The following AKAP12 variants were observed in gnomAD, a reference collection of about 807,000 sequenced individuals.
The protein encoded by AKAP12 is A-kinase anchor protein 12.
In AKAP12, 32 loss-of-function variants were observed where a neutral mutation model predicts 79.9. The observed-to-expected ratio is 0.40, with a 90% CI of 0.30 to 0.54. The LOEUF is 0.54. Among genes scored for constraint, AKAP12 ranks in the 20% least tolerant of loss-of-function variants. AKAP12 has a pLI of 0.48. For synonymous variants in AKAP12, 808 were observed against 857.0 expected (o/e 0.94, Z 1.00); for missense variants, 2,074 against 2,177.0 (o/e 0.95, Z 0.94).
chr6:151,266,735 A>C (rs576591386), intron 2 of AKAP12, among the ~76,000 whole-genome samples: 1 of 152,348 alleles, frequency 6.6e-6, no homozygotes, highest in South Asian at 2.1e-4. Flanking sequence ...CAGTTCAGTG[A>C]ATCATGTATG....
chr6:151,275,111 A>C (rs1417018887), intron 2 of AKAP12, among the ~76,000 whole-genome samples: 1 of 152,034 alleles, frequency 6.6e-6, no homozygotes, highest in Non-Finnish European at 1.5e-5. Context: ...CTCAAAAAAA[A>C]AATTTTTTTT....
At chr6:151,319,286 A>G (rs959222728) in intron 3 of AKAP12, among the ~76,000 whole-genome samples, 4 of 151,978 alleles carry the variant, frequency 2.6e-5, no homozygotes, top group African/African-American at 9.7e-5. Flanking sequence ...ATAAAACTCA[A>G]TTAGTTGATA....
Position 151,351,306 on chromosome 6 carries a change from C to G in AKAP12, c.2915C>G (p.Thr972Ser), listed in dbSNP as rs754285729. 1.2e-6 allele frequency: 2 copies of G among 1,614,170 alleles called. No individual in the cohort carries two copies. The highest frequency in any genetic ancestry group is 2.2e-5 in the South Asian group (2 of 91,070). The change falls in exon 4 of 5, where the codon ACC (threonine) becomes AGC (serine). Residue 972 changes from threonine to serine, a missense_variant. By Grantham distance (58) the Thr-to-Ser change is moderately conservative. This residue lies in a region of AKAP12 where 1,428 missense variants were observed against 1,451.0 expected (regional missense o/e 0.98). Coordinates refer to ENST00000402676, the MANE Select transcript of AKAP12 (RefSeq NM_005100.4). The surrounding 1 kb of genome is among the most constrained non-coding windows in gnomAD (Gnocchi z 4.4). ...GDTVVSEAEL[T>S]PEAVTAAETA... The stretch of plus-strand genomic sequence containing the variant: ...ACGGTCGTTAGTGAGGCGGAATTGA[C>G]CCCCGAAGCTGTGACAGCTGCAGAA...
chr6:151,353,069 C>A lies in AKAP12; in HGVS notation c.4678C>A (p.Gln1560Lys). The change falls in exon 4 of 5, where the codon CAG becomes AAG. Residue 1560 changes from glutamine to lysine, a missense_variant. Transcript: ENST00000402676. ...AAACATCATCCAGACAGCCGTTGAC[C>A]AGTTTGTACGTACAGAAGAAACAGC... ...VQNIIQTAVD[Q>K]FVRTEETATE... 6.2e-7 allele frequency: 1 copy of A among 1,614,140 alleles called. No individual in the cohort carries two copies. The highest frequency in any genetic ancestry group is 8.5e-7 in the Non-Finnish European group (1 of 1,180,034).
At chr6:151,291,488 A>C (rs1453597886) in intron 2 of AKAP12, among the ~76,000 whole-genome samples, 1 of 152,156 alleles carries the variant, frequency 6.6e-6, no homozygotes, top group East Asian at 1.9e-4. Flanking sequence ...CTTAGGAATC[A>C]GTTGCCCTAG....
At chr6:151,258,393 GAGA>G (rs1305561912) in intron 2 of AKAP12, among the ~76,000 whole-genome samples, 1 of 152,188 alleles carries the variant, frequency 6.6e-6, no homozygotes, top group Non-Finnish European at 1.5e-5. Context: ...TTCAGCATTG[GAGA>G]AGAACTTGAG....
intron 2 of AKAP12, among the ~76,000 whole-genome samples, chr6:151,275,449 A>C (rs9478191): frequency 0.092 from 13,942 of 152,182 alleles, 842 homozygotes; most frequent in African/African-American, 0.14. Context: ...CTGTAGAAGA[A>C]TGGATTATGA....
At chr6:151,310,580 T>A (rs9322314) in intron 3 of AKAP12, among the ~76,000 whole-genome samples, 44,397 of 152,072 alleles carry the variant, frequency 0.29, 6,652 homozygotes, top group Admixed American at 0.35. Flanking sequence ...TTTTAACTTT[T>A]GGTAATTAGA....
intron 3 of AKAP12, chr6:151,324,084 A>G (rs924795333): frequency 3.6e-5 from 35 of 985,258 alleles, no homozygotes; most frequent in Non-Finnish European, 3.9e-5. Flanking sequence ...TGGACTCCAG[A>G]AGGATGGTCA....
chr6:151,311,003 T>TGTCACCCAG (rs1358793930), intron 3 of AKAP12, among the ~76,000 whole-genome samples: 2 of 152,180 alleles, frequency 1.3e-5, no homozygotes, highest in East Asian at 3.9e-4. Context: ...GCCCTTGCTC[T>TGTCACCCAG]GTCACCCAGG....
intron 3 of AKAP12, 31 bp from the exon 4 acceptor site, chr6:151,348,680 T>TGGGGGGGC: frequency 2.8e-6 from 1 of 355,202 alleles, no homozygotes. Flanking sequence ...TTTTCTCTTC[T>TGGGGGGGC]CCCCACCCCC....
intron 2 of AKAP12, 50 bp downstream of exon 2, chr6:151,240,774 T>C: frequency 3.3e-5 from 2 of 60,426 alleles, no homozygotes; most frequent in Non-Finnish European, 5.6e-5. Context: ...TCTTTGGGGG[T>C]GGGGGTGGGG....
chr6:151,305,937 A>G (rs766377641), intron 3 of AKAP12, 34 bp downstream of exon 3: 2 of 1,569,422 alleles, frequency 1.3e-6, no homozygotes, highest in African/African-American at 2.7e-5. Flanking sequence ...GAAGGCACAC[A>G]GCACTTGCAA....
rs538090753 is a variant in AKAP12 at position 151,247,310 on chromosome 6, A to G, written c.162+6586A>G. Among the ~76,000 whole-genome samples the G allele has an allele frequency of 7.2e-5, 11 of 152,208 alleles. No individual in the cohort carries two copies. The South Asian group carries it at 2.3e-3, about 32-fold the overall frequency. On this transcript the variant is annotated intron_variant, in intron 2 of 4. Coordinates refer to ENST00000402676, the MANE Select transcript of AKAP12 (RefSeq NM_005100.4). ...TAGCTACTTGGAAGGCTGAGGTGAG[A>G]GGATTGCTTCCACCCAGGAGTATGA...
rs759633388 is a variant in AKAP12, at chr6:151,350,573, ATCCTTGCTGGT to A, written c.2186_2196del (p.Leu729ProfsTer4). On this transcript the variant is annotated frameshift_variant, in exon 4 of 5. Transcript: ENST00000402676. LOFTEE classifies it high-confidence loss of function. The surrounding 1 kb of genome is among the most constrained non-coding windows in gnomAD (Gnocchi z 4.8). ...AGACAAAGAGACGGGGACAGACGGG[ATCCTTGCTGGT>A]TCCCAAGAACATGATCCAGGGCAGG... 6.2e-7 allele frequency: 1 copy of A among 1,614,152 alleles called. No homozygotes were observed. The highest frequency in any genetic ancestry group is 8.5e-7 in the Non-Finnish European group (1 of 1,180,036).
intron 3 of AKAP12, among the ~76,000 whole-genome samples, chr6:151,345,891 GTATA>G (rs1181356871): frequency 9.4e-5 from 9 of 96,036 alleles, no homozygotes; most frequent in Admixed American, 5.5e-4. Flanking sequence ...GGATGTGTGT[GTATA>G]TGTGTGTGTG....
intron 2 of AKAP12, among the ~76,000 whole-genome samples, chr6:151,262,246 C>T (rs1018609946): frequency 6.6e-6 from 1 of 152,206 alleles, no homozygotes; most frequent in Non-Finnish European, 1.5e-5. Context: ...TGAGCCACTG[C>T]GCCCGGCCCA....
intron 2 of AKAP12, among the ~76,000 whole-genome samples, chr6:151,271,441 C>T (rs867166897): frequency 1.3e-5 from 2 of 151,734 alleles, no homozygotes; most frequent in Non-Finnish European, 2.9e-5. Context: ...CCCACCTCAG[C>T]CTCCGGAGTA....
chr6:151,250,617 T>G (rs1467256853), intron 2 of AKAP12, among the ~76,000 whole-genome samples: 4 of 151,674 alleles, frequency 2.6e-5, no homozygotes, highest in Non-Finnish European at 5.9e-5. Context: ...TTTTCCTTTT[T>G]TTTTTTGAGA....
Sources: gnomAD v4.1 joint callset for allele counts (sites outside exome capture counted in the v4.1 genomes callset) on GRCh38, gnomAD v4.1.1 for gene constraint, gnomAD v4.1.1 regional missense constraint, Gnocchi (gnomAD v3.1) non-coding constraint, MANE v1.5 for transcripts, NCBI Gene and HGNC (gene_info 2026-07-23, HGNC 2026-07-21) for gene names.